PHACTR2: variants seen among roughly 807,000 people sequenced by gnomAD.
PHACTR2 encodes phosphatase and actin regulator 2.
PHACTR2 carries 30 observed loss-of-function variants against 76.0 expected under a neutral mutation model. The observed-to-expected ratio is 0.39, with a 90% CI of 0.30 to 0.54. The LOEUF is 0.54. PHACTR2 is among the 20% of genes least tolerant of loss of function. The pLI is 0.61. For missense variants in PHACTR2, 696 were observed against 781.1 expected, an observed-to-expected ratio of 0.89 and a Z score of 1.30; for synonymous variants, 292 against 292.5, an observed-to-expected ratio of 1.00 and a Z score of 0.02.
intron 2 of PHACTR2, among the ~76,000 whole-genome samples, chr6:143,720,161 A>C (rs1020711710): frequency 6.6e-6 from 1 of 152,132 alleles, no homozygotes; most frequent in African/African-American, 2.4e-5. Context: ...GACCATCTTC[A>C]TCTATTGTAT....
chr6:143,737,982 A>C (rs904465839), intron 2 of PHACTR2, among the ~76,000 whole-genome samples: 1 of 152,260 alleles, frequency 6.6e-6, no homozygotes, highest in African/African-American at 2.4e-5. Context: ...AAATGAAAGT[A>C]ATAAACATGG....
At chr6:143,645,960 G>A (rs949061148) in intron 1 of PHACTR2, among the ~76,000 whole-genome samples, 5 of 152,082 alleles carry the variant, frequency 3.3e-5, no homozygotes, top group Non-Finnish European at 5.9e-5. Context: ...AGAAATGATT[G>A]AAAGGATTGA....
Position 143,722,473 on chromosome 6 carries a change from A to G in PHACTR2, c.214+10290A>G, listed in dbSNP as rs9484802. Reference sequence around the variant, plus strand: ...TCTTGGCATGTCATTTTTTTCTTAAATTTTTTTATTTTTAATGAATGCATA... The same window carrying G: ...TCTTGGCATGTCATTTTTTTCTTAAGTTTTTTTATTTTTAATGAATGCATA... On this transcript the variant is annotated intron_variant, in intron 2 of 12. Coordinates refer to ENST00000440869, the MANE Select transcript of PHACTR2 (RefSeq NM_001100164.2). This position sits in a 1 kb window ranked among gnomAD's most constrained non-coding sequence, Gnocchi z 4.1. Among the ~76,000 whole-genome samples, 1 of 151,834 alleles carries G rather than the reference A, an allele frequency of 6.6e-6. No individual in the cohort carries two copies. Among genetic ancestry groups the G allele is most frequent in the African/African-American group, 2.4e-5 (1 of 41,312 alleles).
rs1297484274 is a variant in PHACTR2 at position 143,599,448 on chromosome 6, G to A, written c.217+62241G>A. On this transcript the variant is annotated intron_variant, in intron 1 of 11. Transcript: ENST00000367584. The surrounding 1 kb of genome is among the most constrained non-coding windows in gnomAD (Gnocchi z 4.6). Reference sequence around the variant, plus strand: ...TCATGTATTTATTCTAGAAACAATTGTTGAGTACTCAGTAGTGTTCTGGGA... The same window carrying A: ...TCATGTATTTATTCTAGAAACAATTATTGAGTACTCAGTAGTGTTCTGGGA... Among the ~76,000 whole-genome samples, 2 of 152,132 alleles carry A rather than the reference G, an allele frequency of 1.3e-5. No individual in the cohort carries two copies. Among genetic ancestry groups the A allele is most frequent in the Non-Finnish European group, 2.9e-5 (2 of 68,014 alleles).
In PHACTR2 at chr6:143,757,428, A is replaced by G. The variant is rs1291279301; in HGVS notation, c.455-2973A>G. On this transcript the variant is annotated intron_variant, in intron 4 of 12. Transcript: ENST00000440869. The surrounding 1 kb of genome is among the most constrained non-coding windows in gnomAD (Gnocchi z 4.2). Reference sequence around the variant, plus strand: ...CTAAGACATGAAGGAAACAAGAAGGAGGTCATCAAGTGAAGCAGAGGAATT... The same window carrying G: ...CTAAGACATGAAGGAAACAAGAAGGGGGTCATCAAGTGAAGCAGAGGAATT... Among the ~76,000 whole-genome samples, 1 of 152,230 alleles carries G rather than the reference A, an allele frequency of 6.6e-6. No homozygotes were observed. Among genetic ancestry groups the G allele is most frequent in the Non-Finnish European group, 1.5e-5 (1 of 68,032 alleles).
At chr6:143,563,551 C>CAAAA (rs76587878) in intron 1 of PHACTR2, among the ~76,000 whole-genome samples, 4 of 29,964 alleles carry the variant, frequency 1.3e-4, no homozygotes, top group Non-Finnish European at 1.9e-4. Flanking sequence ...AACTCCGTCT[C>CAAAA]AAAAAAAAAA....
intron 2 of PHACTR2, among the ~76,000 whole-genome samples, chr6:143,740,206 C>T (rs568709564): frequency 9.9e-5 from 15 of 152,224 alleles, no homozygotes; most frequent in African/African-American, 3.4e-4. Context: ...ACTGTCATAG[C>T]GCTGGTGGGA....
chr6:143,681,258 A>C (rs1777382945), intron 1 of PHACTR2, among the ~76,000 whole-genome samples: 1 of 152,146 alleles, frequency 6.6e-6, no homozygotes, highest in African/African-American at 2.4e-5. Context: ...CCACATCCTT[A>C]CCAACATTTG....
Position 143,765,711 on chromosome 6 carries a change from G to C in PHACTR2, c.1145G>C (p.Ser382Thr). ...ADLPVSALDP[S>T]QLLWAEEPTN... ...CTGCCCGTCTCTGCCTTAGACCCAA[G>C]TCAGCTTCTTTGGGCTGAAGAGCCG... Residue 382 changes from serine to threonine, a missense_variant, in exon 6 of 13, where the codon AGT (serine) becomes ACT (threonine). By Grantham distance (58) the Ser-to-Thr change is moderately conservative. This residue lies in a region of PHACTR2 where 236 missense variants were observed against 330.2 expected (regional missense o/e 0.71). Coordinates refer to ENST00000440869, the MANE Select transcript of PHACTR2 (RefSeq NM_001100164.2). The surrounding 1 kb of genome is among the most constrained non-coding windows in gnomAD (Gnocchi z 4.1). The C allele has an allele frequency of 6.2e-7, 1 of 1,614,144 alleles. No individual in the cohort carries two copies. The highest frequency in any genetic ancestry group is 2.2e-5 in the East Asian group (1 of 44,884).
intron 1 of PHACTR2, among the ~76,000 whole-genome samples, chr6:143,600,268 T>G (rs1351839564): frequency 1.3e-5 from 2 of 152,204 alleles, no homozygotes; most frequent in Non-Finnish European, 2.9e-5. Context: ...TTTCCCTTTG[T>G]TTGCTGGTTT....
intron 1 of PHACTR2, among the ~76,000 whole-genome samples, chr6:143,702,511 G>A (rs945992406): frequency 6.6e-6 from 1 of 152,108 alleles, no homozygotes; most frequent in African/African-American, 2.4e-5. Context: ...GAGACAGCCT[G>A]GTATAGTGGG....
chr6:143,785,781 A>G (rs1775543662), intron 10 of PHACTR2, among the ~76,000 whole-genome samples: 1 of 152,200 alleles, frequency 6.6e-6, no homozygotes, highest in African/African-American at 2.4e-5. Context: ...GGCTTCCACG[A>G]TCTGAAGCCA....
chr6:143,782,247 A>C lies in PHACTR2; in HGVS notation c.1646-972A>C, dbSNP rs1775449286. 6.6e-6 allele frequency among the ~76,000 whole-genome samples: 1 copy of C among 152,190 alleles called. No homozygotes were observed. Among genetic ancestry groups the C allele is most frequent in the Non-Finnish European group, 1.5e-5 (1 of 68,042 alleles). ...TTTCAAAAAATAAAATAAAAATAAA[A>C]ATAAATAAACAAATAGAAGAAGTTT... On this transcript the variant is annotated intron_variant, in intron 9 of 12. Transcript: ENST00000440869. This position sits in a 1 kb window ranked among gnomAD's most constrained non-coding sequence, Gnocchi z 4.6.
intron 2 of PHACTR2, among the ~76,000 whole-genome samples, chr6:143,714,780 T>TA (rs1778266184): frequency 6.6e-6 from 1 of 152,216 alleles, no homozygotes; most frequent in Non-Finnish European, 1.5e-5. Context: ...TAGGTTCTTC[T>TA]ATCCCTTCCC....
rs563423532 is a variant in PHACTR2 at position 143,637,317 on chromosome 6, G to GA, written c.13+29005dup. On this transcript the variant is annotated intron_variant, in intron 1 of 11. Coordinates refer to the PHACTR2 transcript ENST00000305766. ...TAAGTTAACCATTCTTTTGTTGTTT[G>GA]AAAAAAAAAAGAAAGGAAGAAAAGG... is the stretch of plus-strand genomic sequence containing the variant. Among the ~76,000 whole-genome samples the GA allele has an allele frequency of 3.4e-4, 49 of 142,092 alleles. No homozygotes were observed. The South Asian group carries it at 5.3e-3, about 15-fold the overall frequency. The allele number at this position is 142,092 out of a possible 152,430, so 93.2% of individuals were successfully genotyped here.
At chr6:143,568,434 G>C (rs1433716229) in intron 1 of PHACTR2, among the ~76,000 whole-genome samples, 7 of 152,224 alleles carry the variant, frequency 4.6e-5, no homozygotes, top group Non-Finnish European at 1.0e-4. Context: ...TCTCTCTGCT[G>C]ATCAAGGCTA....
rs1195505797 is a variant in PHACTR2, at chr6:143,554,120, A to G, written c.217+16913A>G. Among the ~76,000 whole-genome samples, 1 of 152,138 alleles carries G rather than the reference A, an allele frequency of 6.6e-6. No individual in the cohort carries two copies. Among genetic ancestry groups the G allele is most frequent in the Non-Finnish European group, 1.5e-5 (1 of 68,024 alleles). ...AAATGTAGAAAGCAAAGTTTGGGAG[A>G]TAACTATTTCATTCATATCAATATC... On this transcript the variant is annotated intron_variant, in intron 1 of 11. Transcript: ENST00000367584. This position sits in a 1 kb window ranked among gnomAD's most constrained non-coding sequence, Gnocchi z 5.9.
rs961853657 is a variant in PHACTR2, at chr6:143,647,658, T to C, written c.13+39336T>C. Among the ~76,000 whole-genome samples, 3 of 152,116 alleles carry C rather than the reference T, an allele frequency of 2.0e-5. No individual in the cohort carries two copies. The highest frequency in any genetic ancestry group is 4.4e-5 in the Non-Finnish European group (3 of 68,006). On this transcript the variant is annotated intron_variant, in intron 1 of 11. Transcript: ENST00000305766. The surrounding 1 kb of genome is among the most constrained non-coding windows in gnomAD (Gnocchi z 4.2). ...GAGTCAGGGAAGGCCTCCGTGAGGATTTGTTAGCTGAAAGGAAACCTTGGT... is the reference window on the plus strand; with the variant it reads ...GAGTCAGGGAAGGCCTCCGTGAGGACTTGTTAGCTGAAAGGAAACCTTGGT...
rs928015591 is a variant in PHACTR2, at chr6:143,793,292, C to G, written c.1845+4382C>G. ...TTTTTTTTTTAATTTTATGTTGAAA[C>G]AAAAATGGGATTTTGTTCTGGACTT... is the stretch of plus-strand genomic sequence containing the variant. On this transcript the variant is annotated intron_variant, in intron 11 of 12. Coordinates refer to ENST00000440869, the MANE Select transcript of PHACTR2 (RefSeq NM_001100164.2). The surrounding 1 kb of genome is among the most constrained non-coding windows in gnomAD (Gnocchi z 4.4). Among the ~76,000 whole-genome samples the G allele has an allele frequency of 6.6e-6, 1 of 151,664 alleles. No individual in the cohort carries two copies. Among genetic ancestry groups the G allele is most frequent in the African/African-American group, 2.4e-5 (1 of 41,250 alleles).
Sources: allele counts gnomAD v4.1 joint callset (sites outside exome capture counted in the v4.1 genomes callset), GRCh38; gene constraint gnomAD v4.1.1; regional missense constraint gnomAD v4.1.1; non-coding constraint Gnocchi (gnomAD v3.1); transcripts MANE v1.5; gene names NCBI Gene and HGNC (gene_info 2026-07-23, HGNC 2026-07-21).